FAM168A: variants seen among roughly 807,000 people sequenced by gnomAD.
The protein encoded by FAM168A is family with sequence similarity 168 member A.
In FAM168A, 3 loss-of-function variants were observed where a neutral mutation model predicts 28.5. The ratio of observed to expected loss-of-function variants is 0.11; its 90% CI spans 0.05 to 0.27. FAM168A has a LOEUF of 0.27. FAM168A is among the 10% of genes least tolerant of loss of function. The pLI is 1.00. For synonymous variants in FAM168A, 122 were observed against 124.2 expected (o/e 0.98, Z 0.12); for missense variants, 222 against 311.5 (o/e 0.71, Z 2.16).
chr11:73,530,815 A>G (rs1172894944), intron 1 of FAM168A, among the ~76,000 whole-genome samples: 3 of 152,222 alleles, frequency 2.0e-5, no homozygotes, highest in Non-Finnish European at 4.4e-5. Flanking sequence ...GATCCTGGTC[A>G]TAGAGTGCAG....
intron 2 of FAM168A, among the ~76,000 whole-genome samples, chr11:73,437,485 C>T (rs1308386291): frequency 1.4e-5 from 2 of 141,158 alleles, no homozygotes; most frequent in Admixed American, 7.2e-5. Flanking sequence ...CTCACTGTAA[C>T]CTCTGCCTCC....
intron 4 of FAM168A, among the ~76,000 whole-genome samples, chr11:73,413,859 A>T (rs1590755808): frequency 6.6e-6 from 1 of 152,190 alleles, no homozygotes; most frequent in East Asian, 1.9e-4. Context: ...TGAGACCAGG[A>T]GTTTAACACC....
At chr11:73,474,172 T>G (rs895787478) in intron 1 of FAM168A, among the ~76,000 whole-genome samples, 1 of 152,084 alleles carries the variant, frequency 6.6e-6, no homozygotes, top group Non-Finnish European at 1.5e-5. Flanking sequence ...TAGCTGAGAC[T>G]AGGTAATTAA....
rs183656555 is a variant in FAM168A at position 73,450,179 on chromosome 11, C to T, written c.70+18226G>A. ...TCTTGAGAAGGTGCCAGCAGCCCCT[C>T]CTGTCATAGCTGACACATGTGTGAC... On this transcript the variant is annotated intron_variant, in intron 2 of 7. Transcript: ENST00000356467. 5.2e-3 allele frequency among the ~76,000 whole-genome samples: 789 copies of T among 152,350 alleles called. 24 individuals are homozygous for T. Among genetic ancestry groups the T allele is most frequent in the Non-Finnish European group, 1.5e-3 (101 of 68,032 alleles).
At chr11:73,482,027 G>C (rs1383614611) in intron 1 of FAM168A, among the ~76,000 whole-genome samples, 1 of 152,084 alleles carries the variant, frequency 6.6e-6, no homozygotes, top group African/African-American at 2.4e-5. Context: ...CTTAGAAACA[G>C]AGATGGAACT....
chr11:73,591,487 T>C (rs1944381247), intron 1 of FAM168A, among the ~76,000 whole-genome samples: 1 of 152,228 alleles, frequency 6.6e-6, no homozygotes, highest in Non-Finnish European at 1.5e-5. Context: ...ACTTGTCTTA[T>C]GGCCTAAGAC....
At chr11:73,566,694 T>C (rs1219201883) in intron 1 of FAM168A, among the ~76,000 whole-genome samples, 1 of 152,186 alleles carries the variant, frequency 6.6e-6, no homozygotes, top group Non-Finnish European at 1.5e-5. Flanking sequence ...TGTCATACAC[T>C]CTACTCATTC....
At chr11:73,545,071 G>C (rs1293925455) in intron 1 of FAM168A, among the ~76,000 whole-genome samples, 2 of 116,988 alleles carry the variant, frequency 1.7e-5, no homozygotes, top group Non-Finnish European at 3.4e-5. Flanking sequence ...TGTCACCCAG[G>C]CTGGAGTGCA....
At chr11:73,590,846 T>C (rs969873361) in intron 1 of FAM168A, among the ~76,000 whole-genome samples, 2 of 152,108 alleles carry the variant, frequency 1.3e-5, no homozygotes, top group African/African-American at 4.8e-5. Context: ...TCTAAATAGG[T>C]TGAAGACTAC....
At chr11:73,426,425 G>T in intron 3 of FAM168A, among the ~76,000 whole-genome samples, 1 of 152,308 alleles carries the variant, frequency 6.6e-6, no homozygotes, top group East Asian at 1.9e-4. Context: ...GCTAAAAATA[G>T]CTCTCTCTCA....
intron 1 of FAM168A, among the ~76,000 whole-genome samples, chr11:73,475,833 G>A (rs1867880826): frequency 6.6e-6 from 1 of 152,188 alleles, no homozygotes; most frequent in Non-Finnish European, 1.5e-5. Flanking sequence ...AGAGTGGGCT[G>A]ATTTAATTTG....
chr11:73,431,447 A>G (rs1222730978), intron 2 of FAM168A, among the ~76,000 whole-genome samples: 1 of 147,122 alleles, frequency 6.8e-6, no homozygotes, highest in Non-Finnish European at 1.5e-5. Context: ...TCTCCTCCCC[A>G]GAAGTAACAC....
intron 1 of FAM168A, among the ~76,000 whole-genome samples, chr11:73,571,409 C>A (rs1944087871): frequency 6.6e-6 from 1 of 151,998 alleles, no homozygotes; most frequent in South Asian, 2.1e-4. Flanking sequence ...CCATGCCTGA[C>A]TGGTTTTCGT....
chr11:73,495,161 C>T (rs1854846603), intron 1 of FAM168A, among the ~76,000 whole-genome samples: 1 of 150,598 alleles, frequency 6.6e-6, no homozygotes, highest in Admixed American at 6.6e-5. Context: ...GATCCCGTCT[C>T]TGCTGAAAAT....
At chr11:73,461,760 G>A (rs1346068363) in intron 2 of FAM168A, among the ~76,000 whole-genome samples, 1 of 152,168 alleles carries the variant, frequency 6.6e-6, no homozygotes, top group Admixed American at 6.5e-5. Flanking sequence ...AACAGACTGG[G>A]GACAGGGGTA....
At chr11:73,475,074 T>C (rs1275919394) in intron 1 of FAM168A, among the ~76,000 whole-genome samples, 1 of 152,182 alleles carries the variant, frequency 6.6e-6, no homozygotes, top group Non-Finnish European at 1.5e-5. Context: ...GTTCTACAAA[T>C]GGCTTCCTGC....
rs1051194644 is a variant in FAM168A, at chr11:73,479,344, C to A, written c.-18-10852G>T. The stretch of plus-strand genomic sequence containing the variant: ...TTATTACTGTTATATGTAGCTGAAC[C>A]TAATCCTATTTAATTGGGAGGATAA... On this transcript the variant is annotated intron_variant, in intron 1 of 7. Transcript: ENST00000356467. Among the ~76,000 whole-genome samples, 3 of 151,998 alleles carry A rather than the reference C, an allele frequency of 2.0e-5. No individual in the cohort carries two copies. In the South Asian group the frequency reaches 6.2e-4, roughly 31 times the overall value.
intron 1 of FAM168A, among the ~76,000 whole-genome samples, chr11:73,478,729 G>C (rs977082267): frequency 6.6e-5 from 10 of 152,258 alleles, no homozygotes; most frequent in African/African-American, 1.7e-4. Context: ...ACTGATACTT[G>C]CTGTGCCAGG....
At chr11:73,442,955 G>GATATATAC (rs1867226862) in intron 2 of FAM168A, among the ~76,000 whole-genome samples, 2 of 40,228 alleles carry the variant, frequency 5.0e-5, no homozygotes, top group Admixed American at 4.2e-4. Context: ...ATATACAAAG[G>GATATATAC]ATATATATAT....
Sources: allele counts gnomAD v4.1 joint callset (sites outside exome capture counted in the v4.1 genomes callset), GRCh38; gene constraint gnomAD v4.1.1; transcripts MANE v1.5; gene names NCBI Gene and HGNC (gene_info 2026-07-23, HGNC 2026-07-21).